Variants in JMY observed in about 807,000 individuals in gnomAD.
JMY encodes junction-mediating and -regulatory protein.
JMY carries 46 observed loss-of-function variants against 103.3 expected under a neutral mutation model. The ratio of observed to expected loss-of-function variants is 0.45; its 90% CI spans 0.35 to 0.57. The LOEUF (loss-of-function observed/expected upper bound fraction) is 0.57. JMY is among the 20% of genes least tolerant of loss of function. The pLI, the probability that JMY is intolerant of heterozygous loss-of-function variation, is 0.00. For missense variants in JMY, 1,238 were observed against 1,255.2 expected, an observed-to-expected ratio of 0.99 and a Z score of 0.21; for synonymous variants, 526 against 489.3, an observed-to-expected ratio of 1.07 and a Z score of -0.99.
At chr5:79,317,631 A>C (rs966187639) in intron 10 of JMY, among the ~76,000 whole-genome samples, 39 of 152,220 alleles carry the variant, frequency 2.6e-4, no homozygotes, top group African/African-American at 9.2e-4. Flanking sequence ...GGAAGACTTG[A>C]GTCCTAGAAG....
At position 79,318,741 on chromosome 5, in the gene JMY, A is replaced by AATAT. The variant is rs71830021; in HGVS notation, c.*3+2449_*3+2452dup. ...ATATGTCCACTATGCTTTGTAAAGG[A>AATAT]ATATATATATATATATATATAGAGA... On this transcript the variant is annotated intron_variant, in intron 10 of 10. Transcript: ENST00000396137. Among the ~76,000 whole-genome samples, 638 of 134,474 alleles carry AATAT rather than the reference A, an allele frequency of 4.7e-3. 2 individuals are homozygous for AATAT. Among genetic ancestry groups the AATAT allele is most frequent in the African/African-American group, 1.0e-2 (371 of 37,168 alleles). 88.2% of individuals were successfully genotyped at this position (134,474 alleles called of 152,430 possible).
chr5:79,237,173 G>A lies in JMY; in HGVS notation c.523G>A (p.Ala175Thr). Residue 175 changes from alanine to threonine, a missense_variant, in exon 1 of 11, where the codon GCC becomes ACC. Physicochemically the swap from Ala to Thr is moderately conservative, Grantham distance 58. Transcript: ENST00000396137. ...AAAARPAPRE[A>T]QVSSVRIVSA... Reference sequence around the variant, plus strand: ...AGCAGCCCGGCCGGCGCCCAGAGAGGCCCAGGTGTCCTCTGTACGGATAGT... The same window carrying A: ...AGCAGCCCGGCCGGCGCCCAGAGAGACCCAGGTGTCCTCTGTACGGATAGT... The A allele has an allele frequency of 1.3e-6, 2 of 1,549,908 alleles. No homozygotes were observed. The highest frequency in any genetic ancestry group is 1.7e-6 in the Non-Finnish European group (2 of 1,146,602).
rs1413711144 is a variant in JMY at position 79,287,347 on chromosome 5, A to G, written c.1207-2774A>G. On this transcript the variant is annotated intron_variant, in intron 2 of 10. Coordinates refer to ENST00000396137, the MANE Select transcript of JMY (RefSeq NM_152405.5). The stretch of plus-strand genomic sequence containing the variant: ...CCTAGCATCACAAGACAGAAGGATG[A>G]ACTTGGAGATGAATAGACAAGAATG... Among the ~76,000 whole-genome samples, 19 of 152,238 alleles carry G rather than the reference A, an allele frequency of 1.2e-4. 1 individual carries two copies. The highest frequency in any genetic ancestry group is 2.9e-5 in the Non-Finnish European group (2 of 68,040).
At chr5:79,290,783 C>G (rs1408608798) in intron 3 of JMY, among the ~76,000 whole-genome samples, 2 of 152,082 alleles carry the variant, frequency 1.3e-5, no homozygotes, top group African/African-American at 2.4e-5. Context: ...GTCAAGAGTT[C>G]AAGACCAGCC....
At chr5:79,266,810 C>T (rs573041508) in intron 1 of JMY, among the ~76,000 whole-genome samples, 1 of 152,254 alleles carries the variant, frequency 6.6e-6, no homozygotes, top group South Asian at 2.1e-4. Context: ...AAAAAACCGC[C>T]TGTTAACAAA....
At chr5:79,243,623 T>G (rs1744803678) in intron 1 of JMY, among the ~76,000 whole-genome samples, 1 of 152,222 alleles carries the variant, frequency 6.6e-6, no homozygotes. Context: ...CATGTTATAC[T>G]CCCATGAAAA....
chr5:79,309,668 T>C (rs907521721), intron 7 of JMY, among the ~76,000 whole-genome samples: 1 of 152,242 alleles, frequency 6.6e-6, no homozygotes, highest in Non-Finnish European at 1.5e-5. Context: ...TGCTGCCCCT[T>C]ACTCTTCATT....
chr5:79,264,982 C>A (rs1401642050), intron 1 of JMY, among the ~76,000 whole-genome samples: 2 of 152,150 alleles, frequency 1.3e-5, no homozygotes, highest in African/African-American at 4.8e-5. Context: ...GAGTGAGTGG[C>A]ACGATCTTGG....
At chr5:79,316,879 A>G (rs1747242293) in intron 10 of JMY, among the ~76,000 whole-genome samples, 1 of 146,134 alleles carries the variant, frequency 6.8e-6, no homozygotes, top group Non-Finnish European at 1.5e-5. Flanking sequence ...GCCCTGGGCA[A>G]CAGAGTGAGA....
In JMY at chr5:79,259,108, T is replaced by C. The variant is rs144523746; in HGVS notation, c.1033-18802T>C. Among the ~76,000 whole-genome samples the C allele has an allele frequency of 1.9e-3, 296 of 152,290 alleles. 1 individual carries two copies. Among genetic ancestry groups the C allele is most frequent in the African/African-American group, 6.6e-3 (275 of 41,564 alleles). On this transcript the variant is annotated intron_variant, in intron 1 of 10. Transcript: ENST00000396137. ...TTCAGCAGAGAGGGTAGCTCCTCTC[T>C]GAAGCTGGTTGTCCCATCATTTCTT...
chr5:79,306,241 T>C (rs1416372368), intron 6 of JMY, 134 bp from the exon 7 acceptor site: 1 of 628,564 alleles, frequency 1.6e-6, no homozygotes, highest in African/African-American at 1.9e-5. Context: ...GTTGTCCAAA[T>C]AAGAAACAAG....
At chr5:79,256,966 A>G (rs1414596882) in intron 1 of JMY, among the ~76,000 whole-genome samples, 1 of 151,576 alleles carries the variant, frequency 6.6e-6, no homozygotes, top group Non-Finnish European at 1.5e-5. Context: ...TGAAGTCACT[A>G]TACACAGTCC....
intron 3 of JMY, among the ~76,000 whole-genome samples, chr5:79,290,547 C>T (rs1746388165): frequency 6.6e-6 from 1 of 151,932 alleles, no homozygotes; most frequent in Non-Finnish European, 1.5e-5. Flanking sequence ...TAATGCTTTC[C>T]TGGAAACTTT....
At chr5:79,244,305 T>C (rs1744826609) in intron 1 of JMY, among the ~76,000 whole-genome samples, 1 of 152,186 alleles carries the variant, frequency 6.6e-6, no homozygotes, top group East Asian at 1.9e-4. Context: ...CTGGCCCAGA[T>C]ACTTCATAGA....
At chr5:79,312,536 T>C (rs760675021) in intron 8 of JMY, 38 bp downstream of exon 8, 4 of 1,184,304 alleles carry the variant, frequency 3.4e-6, no homozygotes, top group East Asian at 5.2e-5. Context: ...TTTTTCTTTT[T>C]TTTTTTTTTT....
At chr5:79,286,712 C>A (rs1333539792) in intron 2 of JMY, among the ~76,000 whole-genome samples, 1 of 151,730 alleles carries the variant, frequency 6.6e-6, no homozygotes, top group Admixed American at 6.6e-5. Context: ...CTTAACCATG[C>A]AAGTAAGAAT....
At chr5:79,277,846 A>T in intron 1 of JMY, 64 bp from the exon 2 acceptor site, 1 of 1,476,702 alleles carries the variant, frequency 6.8e-7, no homozygotes, top group Non-Finnish European at 9.2e-7. Flanking sequence ...GGGAGAGTTC[A>T]AAGCAAGTAT....
intron 2 of JMY, among the ~76,000 whole-genome samples, chr5:79,282,418 G>A (rs1201981572): frequency 6.6e-6 from 1 of 152,122 alleles, no homozygotes; most frequent in Non-Finnish European, 1.5e-5. Flanking sequence ...CATTCAAAAT[G>A]TTGCCTTTTG....
chr5:79,316,144 TGAA>T lies in JMY; in HGVS notation c.2809_2811del (p.Lys937del). On this transcript the variant is annotated inframe_deletion, in exon 10 of 11. Coordinates refer to ENST00000396137, the MANE Select transcript of JMY (RefSeq NM_152405.5). ...GCACAAATAAGGAAAGGGGTAAAATTGAAGAAGGTACAGAAGGATGTTTTGAGA... is the reference window on the plus strand; with the variant it reads ...GCACAAATAAGGAAAGGGGTAAAATTGAAGGTACAGAAGGATGTTTTGAGA... 2 of 1,614,150 alleles carry T rather than the reference TGAA, an allele frequency of 1.2e-6. No individual in the cohort carries two copies. Among genetic ancestry groups the T allele is most frequent in the East Asian group, 2.2e-5 (1 of 44,888 alleles).
Sources: allele counts gnomAD v4.1 joint callset (sites outside exome capture counted in the v4.1 genomes callset), GRCh38; gene constraint gnomAD v4.1.1; transcripts MANE v1.5; gene names NCBI Gene and HGNC (gene_info 2026-07-23, HGNC 2026-07-21).